PEX10: variants seen among roughly 807,000 people sequenced by gnomAD.
PEX10 encodes the protein peroxisomal biogenesis factor 10, also known as peroxisome biogenesis factor 10.
Under a neutral mutation model 38.0 loss-of-function variants are expected in PEX10, and 32 were observed. That is an observed-to-expected ratio of 0.84 (90% confidence interval 0.63 to 1.13). PEX10 has a LOEUF of 1.13. PEX10 is among the 50% of genes most tolerant of loss of function. PEX10 has a pLI of 0.00. For missense variants in PEX10, 483 were observed against 457.7 expected, an observed-to-expected ratio of 1.06 and a Z score of -0.51; for synonymous variants, 206 against 207.3, an observed-to-expected ratio of 0.99 and a Z score of 0.05.
chr1:2,412,580 G>A (rs1474227670), upstream of PEX10: 8 of 1,113,670 alleles, frequency 7.2e-6, no homozygotes, highest in Non-Finnish European at 9.2e-6. Flanking sequence ...ATGACGGCAC[G>A]ACGTGGCTCT....
At chr1:2,411,581 C>T (rs759742774) in intron 1 of PEX10, among the ~76,000 whole-genome samples, 12 of 152,076 alleles carry the variant, frequency 7.9e-5, no homozygotes, top group Middle Eastern at 6.8e-3. Context: ...GCCCCGTCGC[C>T]CAGGCTGGAG....
In PEX10 at chr1:2,410,337, G is replaced by T. The variant is rs758140351; in HGVS notation, c.193+34C>A. The T allele has an allele frequency of 6.4e-7, 1 of 1,562,464 alleles. No homozygotes were observed. Among genetic ancestry groups the T allele is most frequent in the Non-Finnish European group, 8.8e-7 (1 of 1,133,134 alleles). On this transcript the variant is annotated intron_variant, in intron 2 of 5. Transcript: ENST00000447513. This position sits in a 1 kb window ranked among gnomAD's most constrained non-coding sequence, Gnocchi z 5.1. The stretch of plus-strand genomic sequence containing the variant: ...GTCCCCAGACTTGGTGTGTGTGGCT[G>T]CCCTCAGTCCTGAGGTCCCGTGGGA...
At chr1:2,412,673 C>CT, upstream of PEX10, 4 of 439,658 alleles carry the variant, frequency 9.1e-6, no homozygotes, top group African/African-American at 8.2e-5. Flanking sequence ...CGGGCGGAAG[C>CT]GGGGCTGGAG....
In PEX10 at chr1:2,412,483, C is replaced by T; in HGVS notation, c.20G>A (p.Ser7Asn). 1 of 1,383,850 alleles carries T rather than the reference C, an allele frequency of 7.2e-7. No homozygotes were observed. The highest frequency in any genetic ancestry group is 9.3e-7 in the Non-Finnish European group (1 of 1,071,458). The allele number at this position is 1,383,850 out of a possible 1,614,324, so 85.7% of individuals were successfully genotyped here. ...CGCCGCGCGGATCACCTCCGGGGGG[C>T]TGGCGGCGGCCGGGGCCATGGCCGC... is the stretch of plus-strand genomic sequence containing the variant. MAPAAASPPEVIRAAQK... is the reference protein window; with the variant it reads MAPAAANPPEVIRAAQK... Residue 7 changes from serine (S) to asparagine (N), a missense_variant, in exon 1 of 6, where the codon AGC (serine) becomes AAC (asparagine). Physicochemically the swap from Ser to Asn is conservative, Grantham distance 46. Coordinates refer to ENST00000447513, the MANE Select transcript of PEX10 (RefSeq NM_002617.4).
In PEX10 at chr1:2,408,433, C is replaced by T. The variant is rs776004824; in HGVS notation, c.600+19G>A. 4 of 1,612,392 alleles carry T rather than the reference C, an allele frequency of 2.5e-6. No individual in the cohort carries two copies. The highest frequency in any genetic ancestry group is 2.7e-5 in the African/African-American group (2 of 74,920). On this transcript the variant is annotated intron_variant, in intron 3 of 5. Transcript: ENST00000447513. ...CAAGGACGGCCTAAGCAGCTGTGCC[C>T]TCAGCGCCTGCTACTTACGTACGTG...
chr1:2,406,844 T>G lies in PEX10; in HGVS notation c.652A>C (p.Arg218=). The G allele has an allele frequency of 1.2e-6, 2 of 1,610,566 alleles. No individual in the cohort carries two copies. Among genetic ancestry groups the G allele is most frequent in the Non-Finnish European group, 1.7e-6 (2 of 1,178,778 alleles). ...GEDLRARVSY[R]LLGVISLLHL... ...AGCAGTGAGATGACCCCCAGCAGCC[T>G]GTAGCTAACACGGGCCCTCAGGTCC... Residue 218 remains arginine, a synonymous_variant, in exon 4 of 6, where the codon AGG becomes CGG. Transcript: ENST00000447513.
chr1:2,406,957 TGGGA>T, intron 3 of PEX10, 62 bp from the exon 4 acceptor site: 1 of 1,569,692 alleles, frequency 6.4e-7, no homozygotes, highest in Non-Finnish European at 8.6e-7. Flanking sequence ...CAGCGCCTGC[TGGGA>T]GGGTCACACG....
intron 1 of PEX10, among the ~76,000 whole-genome samples, chr1:2,411,051 C>T (rs914170502): frequency 6.6e-6 from 1 of 152,106 alleles, no homozygotes. Context: ...GGCCTCCCGG[C>T]ACGGAGCCTG....
chr1:2,408,596 C>G lies in PEX10; in HGVS notation c.456G>C (p.Leu152=). 1 of 1,611,762 alleles carries G rather than the reference C, an allele frequency of 6.2e-7. No homozygotes were observed. The highest frequency in any genetic ancestry group is 8.5e-7 in the Non-Finnish European group (1 of 1,179,932). Residue 152 remains leucine, a synonymous_variant, in exon 3 of 6, where the codon CTG becomes CTC. Transcript: ENST00000447513. ...RRWMRHHTAT[L]TEQQRRALLR... ...GCAGCGCCCTCCTCTGCTGCTCAGT[C>G]AGGGTGGCCGTGTGGTGACGCATCC... is the stretch of plus-strand genomic sequence containing the variant.
chr1:2,408,513 G>C lies in PEX10; in HGVS notation c.539C>G (p.Ala180Gly). Reference sequence around the variant, plus strand: ...GAAGACACCGTGGATGTAAAACCAGGCAACATGTAGCCGCTGGAGGCAGGC... The same window carrying C: ...GAAGACACCGTGGATGTAAAACCAGCCAACATGTAGCCGCTGGAGGCAGGC... The part of the protein sequence containing the change: ...GLACLQRLHV[A>G]WFYIHGVFYH... The change falls in exon 3 of 6, where the codon GCC (alanine) becomes GGC (glycine). Residue 180 changes from alanine to glycine, a missense_variant. Coordinates refer to ENST00000447513, the MANE Select transcript of PEX10 (RefSeq NM_002617.4). 1 of 1,612,920 alleles carries C rather than the reference G, an allele frequency of 6.2e-7. No individual in the cohort carries two copies. Among genetic ancestry groups the C allele is most frequent in the Non-Finnish European group, 8.5e-7 (1 of 1,180,006 alleles).
At chr1:2,408,975 C>T (rs773055716) in intron 2 of PEX10, 117 bp from the exon 3 acceptor site, 38 of 987,926 alleles carry the variant, frequency 3.8e-5, no homozygotes, top group Non-Finnish European at 5.8e-5. Flanking sequence ...TCTTGTCGCC[C>T]TTGAGCCCAC....
intron 5 of PEX10, 147 bp downstream of exon 5, chr1:2,406,337 C>T: frequency 1.9e-6 from 2 of 1,052,280 alleles, no homozygotes; most frequent in Admixed American, 3.5e-5. Flanking sequence ...ATCTGACCTA[C>T]CTGGGAGCCT....
At position 2,408,759 on chromosome 1, in the gene PEX10, A is replaced by G. The variant is rs751911581; in HGVS notation, c.293T>C (p.Leu98Pro). The G allele has an allele frequency of 3.1e-6, 5 of 1,613,902 alleles. No homozygotes were observed. The highest frequency in any genetic ancestry group is 4.2e-6 in the Non-Finnish European group (5 of 1,179,884). ...SSLRRGVLVT[L>P]HAVLPYLLDK... ...CAGCAGGTAGGGCAGGACGGCATGCAGTGTCACCAGCACGCCACGGCGCAG... is the reference window on the plus strand; with the variant it reads ...CAGCAGGTAGGGCAGGACGGCATGCGGTGTCACCAGCACGCCACGGCGCAG... The change falls in exon 3 of 6, where the codon CTG becomes CCG. Residue 98 changes from leucine (L) to proline (P), a missense_variant. By Grantham distance (98) the Leu-to-Pro change is moderately conservative. Transcript: ENST00000447513.
At position 2,412,399 on chromosome 1, in the gene PEX10, C is replaced by T. The variant is rs2100441138; in HGVS notation, c.104G>A (p.Ser35Asn). ...LRSAAGGALH[S>N]LAGARKWLEW... The stretch of plus-strand genomic sequence containing the variant: ...CCGCGCCCGGCCCTCACCCGCCAGG[C>T]TGTGCAGGGCGCCGCCCGCCGCGCT... The change falls in exon 1 of 6, where the codon AGC becomes AAC. Residue 35 changes from serine (S) to asparagine (N), a missense_variant. Physicochemically the swap from Ser to Asn is conservative, Grantham distance 46. Transcript: ENST00000447513. 7.2e-7 allele frequency: 1 copy of T among 1,394,598 alleles called. No homozygotes were observed. The highest frequency in any genetic ancestry group is 1.5e-5 in the South Asian group (1 of 65,090). The allele number at this position is 1,394,598 out of a possible 1,614,324, so 86.4% of individuals were successfully genotyped here.
In PEX10 at chr1:2,406,709, C is replaced by G. The variant is rs1037248285; in HGVS notation, c.776+11G>C. 8.7e-6 allele frequency: 14 copies of G among 1,608,848 alleles called. No individual in the cohort carries two copies. Among genetic ancestry groups the G allele is most frequent in the South Asian group, 1.1e-5 (1 of 90,444 alleles). On this transcript the variant is annotated intron_variant, in intron 4 of 5. Coordinates refer to ENST00000447513, the MANE Select transcript of PEX10 (RefSeq NM_002617.4). The stretch of plus-strand genomic sequence containing the variant: ...ACACCCCCAGCCCCCATGTGTGGCC[C>G]CCGCACGCACCTGCGGTGAGACAGG...
At position 2,406,702 on chromosome 1, in the gene PEX10, TGTGGCCCCCGCACGCACCTGC is replaced by T. The variant is rs1643015669; in HGVS notation, c.773_776+17del. On this transcript the variant is annotated splice_donor_variant and splice_donor_5th_base_variant and coding_sequence_variant and intron_variant, in exon 4 of 6. Transcript: ENST00000447513. LOFTEE classifies it high-confidence loss of function. ...GCCCAGGACACCCCCAGCCCCCATG[TGTGGCCCCCGCACGCACCTGC>T]GGTGAGACAGGCCGCGGTGCAGCCT... 2.5e-6 allele frequency: 4 copies of T among 1,609,492 alleles called. No homozygotes were observed. In the South Asian group the frequency reaches 3.3e-5, roughly 13 times the overall value.
rs886346515 is a variant in PEX10 at position 2,405,526 on chromosome 1, T to A, written c.*240A>T. 4.8e-6 allele frequency: 3 copies of A among 624,254 alleles called. No individual in the cohort carries two copies. The highest frequency in any genetic ancestry group is 8.7e-6 in the Non-Finnish European group (3 of 344,874). 38.7% of individuals were successfully genotyped at this position (624,254 alleles called of 1,614,324 possible). On this transcript the variant is annotated 3_prime_UTR_variant, in exon 6 of 6. Coordinates refer to ENST00000447513, the MANE Select transcript of PEX10 (RefSeq NM_002617.4). ...TAAGTGAAATTCCTGAAGAAGTGGCTGAGTCCTACCAGGTTGGGGTTAGGG... is the reference window on the plus strand; with the variant it reads ...TAAGTGAAATTCCTGAAGAAGTGGCAGAGTCCTACCAGGTTGGGGTTAGGG...
rs1049479889 is a variant in PEX10, at chr1:2,404,866, C to T, written c.*900G>A. On this transcript the variant is annotated 3_prime_UTR_variant, in exon 6 of 6. Coordinates refer to ENST00000447513, the MANE Select transcript of PEX10 (RefSeq NM_002617.4). ...AAGATGCCTACGGTGAACTCTCTGG[C>T]GCAGGTTAAATGCAGTTTTGAAAAC... 1.6e-4 allele frequency: 25 copies of T among 152,688 alleles called. No homozygotes were observed. The highest frequency in any genetic ancestry group is 3.4e-4 in the African/African-American group (14 of 41,448). 9.5% of individuals were successfully genotyped at this position (152,688 alleles called of 1,614,324 possible). A position where few individuals can be genotyped will look rare whatever the true frequency, so the allele number is the denominator to read the frequency against.
chr1:2,413,237 G>A (rs2100443691), upstream of PEX10, among the ~76,000 whole-genome samples: 1 of 152,378 alleles, frequency 6.6e-6, no homozygotes, highest in African/African-American at 2.4e-5. Flanking sequence ...CCTGGCGGGT[G>A]GGGGGCAGCC....
Sources: allele counts gnomAD v4.1 joint callset (sites outside exome capture counted in the v4.1 genomes callset), GRCh38; gene constraint gnomAD v4.1.1; non-coding constraint Gnocchi (gnomAD v3.1); transcripts MANE v1.5; gene names NCBI Gene and HGNC (gene_info 2026-07-23, HGNC 2026-07-21).